Variants in ELMO1 observed in about 807,000 individuals in gnomAD.
ELMO1 encodes the protein engulfment and cell motility 1.
A neutral mutation model predicts 98.9 loss-of-function variants in ELMO1; 26 were observed. That is an observed-to-expected ratio of 0.26 (90% CI 0.19 to 0.36). The LOEUF is 0.36. Ranked by LOEUF, ELMO1 falls within the 10% of genes least tolerant of loss-of-function variation. ELMO1 has a pLI of 1.00. For synonymous variants in ELMO1, 346 were observed against 346.0 expected, an observed-to-expected ratio of 1.00 and a Z score of 0.00; for missense variants, 627 against 935.2, an observed-to-expected ratio of 0.67 and a Z score of 4.30.
chr7:37,237,876 G>A (rs1162630883), intron 7 of ELMO1, among the ~76,000 whole-genome samples: 1 of 152,120 alleles, frequency 6.6e-6, no homozygotes, highest in Non-Finnish European at 1.5e-5. Context: ...GTTGATTCTG[G>A]ACTCTATTCT....
At chr7:37,183,871 T>C (rs1239265487) in intron 13 of ELMO1, among the ~76,000 whole-genome samples, 1 of 152,210 alleles carries the variant, frequency 6.6e-6, no homozygotes. Flanking sequence ...ATAGCTTACA[T>C]TTATAAAAGA....
chr7:37,132,989 ATT>A (rs5883589), intron 14 of ELMO1, 139 bp downstream of exon 14: 22,605 of 441,412 alleles, frequency 0.051, 320 homozygotes, highest in African/African-American at 0.14. Context: ...CTTAATTCTG[ATT>A]TTTTTTTTTT....
rs557136502 is a variant in ELMO1, at chr7:36,878,051, C to G, written c.1781G>C (p.Ser594Thr). The stretch of plus-strand genomic sequence containing the variant: ...ATCGTGGGGCACTTCTCCCTGAGGA[C>G]TCTCTTCTAAGTCTCCGTAATGCAG... ...KVLHYGDLEE[S>T]PQGEVPHDSL... Residue 594 changes from serine (S) to threonine (T), a missense_variant, in exon 19 of 22, where the codon AGT (serine) becomes ACT (threonine). Coordinates refer to ENST00000310758, the MANE Select transcript of ELMO1 (RefSeq NM_014800.11). 1.2e-5 allele frequency: 19 copies of G among 1,613,984 alleles called. No individual in the cohort carries two copies. In the African/African-American group the frequency reaches 1.7e-4, roughly 15 times the overall value.
chr7:36,917,177 C>T (rs1784768116), intron 16 of ELMO1, among the ~76,000 whole-genome samples: 1 of 152,080 alleles, frequency 6.6e-6, no homozygotes, highest in African/African-American at 2.4e-5. Flanking sequence ...GTTTCAAATC[C>T]TGCTGCTAGG....
chr7:37,423,229 C>G (rs369775384), intron 1 of ELMO1, among the ~76,000 whole-genome samples: 19 of 152,338 alleles, frequency 1.2e-4, no homozygotes, highest in African/African-American at 4.6e-4. Flanking sequence ...AAACTACAGA[C>G]ATGATTAAGT....
chr7:37,260,670 A>G (rs908196786), intron 5 of ELMO1, among the ~76,000 whole-genome samples: 1 of 152,186 alleles, frequency 6.6e-6, no homozygotes, highest in Non-Finnish European at 1.5e-5. Context: ...CAGGGATAGA[A>G]CCCATGCCCC....
intron 1 of ELMO1, among the ~76,000 whole-genome samples, chr7:37,433,542 CTT>C (rs1445083618): frequency 6.6e-6 from 1 of 152,104 alleles, no homozygotes; most frequent in Non-Finnish European, 1.5e-5. Context: ...TCTGGCATGA[CTT>C]CTCTTTTGCT....
rs1294082335 is a variant in ELMO1, at chr7:37,342,936, A to G, written c.-73-173T>C. 3.6e-5 allele frequency: 15 copies of G among 416,742 alleles called. No homozygotes were observed. The highest frequency in any genetic ancestry group is 5.6e-5 in the Non-Finnish European group (13 of 233,360). The allele number at this position is 416,742 out of a possible 1,614,324, so 25.8% of individuals were successfully genotyped here. ...CCAACGGTACAATGGGCTCCTGAGG[A>G]AAGAAGAAAGATGGGGGTGCCCGTG... is the stretch of plus-strand genomic sequence containing the variant. On this transcript the variant is annotated intron_variant, in intron 1 of 21. Transcript: ENST00000310758. The surrounding 1 kb of genome is among the most constrained non-coding windows in gnomAD (Gnocchi z 4.3).
At chr7:37,297,339 G>T (rs1200469177) in intron 4 of ELMO1, among the ~76,000 whole-genome samples, 1 of 152,066 alleles carries the variant, frequency 6.6e-6, no homozygotes, top group Non-Finnish European at 1.5e-5. Flanking sequence ...TAATATAAAA[G>T]ATCTTATTTC....
chr7:37,391,908 T>C (rs1803094511), intron 1 of ELMO1, among the ~76,000 whole-genome samples: 1 of 152,180 alleles, frequency 6.6e-6, no homozygotes, highest in Non-Finnish European at 1.5e-5. Flanking sequence ...TAGGGAAGTG[T>C]GTGTACCCCC....
At chr7:36,902,359 C>T (rs1783637072) in intron 16 of ELMO1, among the ~76,000 whole-genome samples, 1 of 152,176 alleles carries the variant, frequency 6.6e-6, no homozygotes, top group African/African-American at 2.4e-5. Context: ...CCCTAATGGC[C>T]CTCTGAGCTC....
intron 6 of ELMO1, among the ~76,000 whole-genome samples, chr7:37,245,560 G>A (rs1219335473): frequency 6.6e-6 from 1 of 152,092 alleles, no homozygotes; most frequent in South Asian, 2.1e-4. Flanking sequence ...TCCTTTACCT[G>A]CCTTTCTTTT....
intron 1 of ELMO1, among the ~76,000 whole-genome samples, chr7:37,372,253 T>C (rs1357471939): frequency 6.6e-6 from 1 of 152,064 alleles, no homozygotes; most frequent in Admixed American, 6.6e-5. Flanking sequence ...GCATTTAAAA[T>C]ATGAAGAATG....
chr7:37,270,881 TCA>T (rs56170524), intron 5 of ELMO1: 57,040 of 145,140 alleles, frequency 0.39, 11,330 homozygotes, highest in East Asian at 0.61. Flanking sequence ...TCTCTCTCTC[TCA>T]CACACACACA....
chr7:36,904,103 C>T (rs1018493679), intron 16 of ELMO1, among the ~76,000 whole-genome samples: 1 of 152,184 alleles, frequency 6.6e-6, no homozygotes, highest in Non-Finnish European at 1.5e-5. Flanking sequence ...CAAAGTAGCC[C>T]ATACCTCCTT....
chr7:36,918,375 G>T (rs1784872756), intron 16 of ELMO1, among the ~76,000 whole-genome samples: 1 of 152,152 alleles, frequency 6.6e-6, no homozygotes, highest in Non-Finnish European at 1.5e-5. Context: ...GTTTTCTTTT[G>T]CTTCTCTAAT....
chr7:37,080,311 T>C (rs528206932), intron 15 of ELMO1, among the ~76,000 whole-genome samples: 12 of 152,316 alleles, frequency 7.9e-5, no homozygotes, highest in African/African-American at 2.9e-4. Flanking sequence ...TCTTTGAAAT[T>C]ATAAATCACA....
At chr7:37,428,425 T>C (rs1170921407) in intron 1 of ELMO1, among the ~76,000 whole-genome samples, 1 of 152,192 alleles carries the variant, frequency 6.6e-6, no homozygotes, top group African/African-American at 2.4e-5. Context: ...AACATTCAAC[T>C]CCAGACAGGG....
At chr7:36,914,784 T>A (rs1277057390) in intron 16 of ELMO1, among the ~76,000 whole-genome samples, 4 of 152,112 alleles carry the variant, frequency 2.6e-5, no homozygotes, top group Non-Finnish European at 5.9e-5. Flanking sequence ...AGTGCTGGGA[T>A]TACAGGTATG....
Sources: gnomAD v4.1 joint callset for allele counts (sites outside exome capture counted in the v4.1 genomes callset) on GRCh38, gnomAD v4.1.1 for gene constraint, Gnocchi (gnomAD v3.1) non-coding constraint, MANE v1.5 for transcripts, NCBI Gene and HGNC (gene_info 2026-07-23, HGNC 2026-07-21) for gene names.